The following MYO3B variants were observed in gnomAD, a reference collection of about 807,000 sequenced individuals.
MYO3B encodes the protein myosin IIIB, also known as myosin-IIIb.
MYO3B carries 156 observed loss-of-function variants against 174.6 expected under a neutral mutation model. That is an observed-to-expected ratio of 0.89 (90% CI 0.78 to 1.02). The LOEUF (loss-of-function observed/expected upper bound fraction) is 1.02, where lower values mean the gene tolerates loss of function less well. Ranked by LOEUF, MYO3B falls within the 50% of genes least tolerant of loss-of-function variation. The pLI, the probability that MYO3B is intolerant of heterozygous loss-of-function variation, is 0.00. For synonymous variants in MYO3B, 563 were observed against 569.1 expected (o/e 0.99, Z 0.15); for missense variants, 1,632 against 1,639.4 (o/e 1.00, Z 0.08).
At chr2:170,437,041 A>G (rs2094759675) in intron 22 of MYO3B, among the ~76,000 whole-genome samples, 1 of 152,172 alleles carries the variant, frequency 6.6e-6, no homozygotes, top group Non-Finnish European at 1.5e-5. Context: ...TTGAATCCCC[A>G]TAATAACTCT....
At chr2:170,288,019 A>G (rs1253652936) in intron 7 of MYO3B, among the ~76,000 whole-genome samples, 1 of 152,106 alleles carries the variant, frequency 6.6e-6, no homozygotes, top group Non-Finnish European at 1.5e-5. Flanking sequence ...TTTGTCAAAG[A>G]TGAGCTGATT....
intron 1 of MYO3B, among the ~76,000 whole-genome samples, chr2:170,196,356 CA>C (rs1320254760): frequency 1.3e-5 from 2 of 151,972 alleles, no homozygotes; most frequent in African/African-American, 4.8e-5. Context: ...TCCACCCCAC[CA>C]AAAAAATTAG....
chr2:170,241,769 A>G (rs1178911934), intron 7 of MYO3B, among the ~76,000 whole-genome samples: 2 of 151,812 alleles, frequency 1.3e-5, no homozygotes, highest in African/African-American at 4.8e-5. Flanking sequence ...AGTGCCTACA[A>G]TCGACTCTCA....
chr2:170,573,084 C>G (rs1179386159), intron 32 of MYO3B, among the ~76,000 whole-genome samples: 3 of 151,784 alleles, frequency 2.0e-5, no homozygotes, highest in African/African-American at 4.8e-5. Context: ...GGCAGAACCA[C>G]TCTGTCTTCT....
intron 32 of MYO3B, among the ~76,000 whole-genome samples, chr2:170,630,328 C>T (rs571419529): frequency 1.3e-4 from 20 of 152,288 alleles, no homozygotes; most frequent in South Asian, 8.3e-4. Context: ...AATTGCAAGG[C>T]GGCAAGCCTG....
At chr2:170,299,137 G>T (rs944148838) in intron 7 of MYO3B, among the ~76,000 whole-genome samples, 38 of 152,176 alleles carry the variant, frequency 2.5e-4, no homozygotes, top group African/African-American at 9.2e-4. Context: ...CTTATGCTTT[G>T]GAACAACACT....
chr2:170,562,419 C>T (rs1217097684), intron 32 of MYO3B, among the ~76,000 whole-genome samples: 1 of 151,898 alleles, frequency 6.6e-6, no homozygotes, highest in East Asian at 1.9e-4. Context: ...TCATCAAAGG[C>T]TGAAATTTGG....
At chr2:170,435,917 A>T (rs2094750179) in intron 22 of MYO3B, among the ~76,000 whole-genome samples, 1 of 152,198 alleles carries the variant, frequency 6.6e-6, no homozygotes, top group Admixed American at 6.5e-5. Flanking sequence ...TTAGTAAAAG[A>T]TGACTACAGG....
chr2:170,239,590 A>G (rs1038756593), intron 7 of MYO3B, among the ~76,000 whole-genome samples: 15 of 152,384 alleles, frequency 9.8e-5, no homozygotes, highest in Non-Finnish European at 1.9e-4. Flanking sequence ...GATTCTCAGC[A>G]GAAATGTCTT....
chr2:170,463,355 CCTATGCTTCCAG>C lies in MYO3B; in HGVS notation c.2731-12_2731-1del. ...TAGATCCTCAAACCACTTGCCTCCA[CCTATGCTTCCAG>C]GTGGACACTCTGGAGGTGATACGGC... On this transcript the variant is annotated splice_acceptor_variant and splice_polypyrimidine_tract_variant and intron_variant, in intron 23 of 34. Transcript: ENST00000408978. LOFTEE classifies it high-confidence loss of function. The C allele has an allele frequency of 6.2e-7, 1 of 1,612,896 alleles. No individual in the cohort carries two copies. Among genetic ancestry groups the C allele is most frequent in the Admixed American group, 1.7e-5 (1 of 60,012 alleles).
At chr2:170,603,971 G>C (rs1694667465) in intron 32 of MYO3B, among the ~76,000 whole-genome samples, 1 of 152,142 alleles carries the variant, frequency 6.6e-6, no homozygotes, top group African/African-American at 2.4e-5. Flanking sequence ...TTACCACTGT[G>C]TTATAATTGC....
At chr2:170,429,498 C>T (rs1230896398) in intron 22 of MYO3B, among the ~76,000 whole-genome samples, 2 of 152,300 alleles carry the variant, frequency 1.3e-5, no homozygotes, top group East Asian at 3.9e-4. Context: ...AAAACTGTCC[C>T]CACAGGTGGT....
chr2:170,376,227 G>T (rs2094292224), intron 9 of MYO3B, among the ~76,000 whole-genome samples: 1 of 152,138 alleles, frequency 6.6e-6, no homozygotes, highest in East Asian at 1.9e-4. Context: ...AAGGTATCCA[G>T]CTGCTATCTC....
chr2:170,212,508 TG>T (rs1369297044), intron 3 of MYO3B, among the ~76,000 whole-genome samples: 1 of 152,188 alleles, frequency 6.6e-6, no homozygotes, highest in Non-Finnish European at 1.5e-5. Context: ...GCCCTACGCC[TG>T]GATGCCAAAA....
chr2:170,507,393 C>CTT (rs1333018335), intron 28 of MYO3B, among the ~76,000 whole-genome samples: 3 of 151,530 alleles, frequency 2.0e-5, no homozygotes, highest in Non-Finnish European at 2.9e-5. Flanking sequence ...GGCTTTCTTT[C>CTT]TTTCTTTTTC....
intron 7 of MYO3B, among the ~76,000 whole-genome samples, chr2:170,322,495 G>A (rs1196997992): frequency 1.3e-5 from 2 of 152,228 alleles, no homozygotes; most frequent in African/African-American, 4.8e-5. Context: ...GCTCAGTGGA[G>A]ACATGACCCA....
At chr2:170,551,616 A>G (rs1690924018) in intron 32 of MYO3B, among the ~76,000 whole-genome samples, 1 of 138,578 alleles carries the variant, frequency 7.2e-6, no homozygotes, top group Non-Finnish European at 1.5e-5. Flanking sequence ...GCTTGTGGGC[A>G]TGAGGACAAA....
intron 7 of MYO3B, among the ~76,000 whole-genome samples, chr2:170,274,147 A>G (rs2093445819): frequency 6.6e-6 from 1 of 151,978 alleles, no homozygotes; most frequent in African/African-American, 2.4e-5. Flanking sequence ...CTTTAGACAG[A>G]GGGAGGGAGA....
At chr2:170,327,885 T>G (rs199600098) in intron 7 of MYO3B, among the ~76,000 whole-genome samples, 1 of 101,472 alleles carries the variant, frequency 9.9e-6, no homozygotes. Context: ...ACACTATATA[T>G]AGTATATATA....
Sources: allele counts gnomAD v4.1 joint callset (sites outside exome capture counted in the v4.1 genomes callset), GRCh38; gene constraint gnomAD v4.1.1; transcripts MANE v1.5; gene names NCBI Gene and HGNC (gene_info 2026-07-23, HGNC 2026-07-21).